Variants in PTCD3 observed in about 807,000 individuals in gnomAD.
The protein encoded by PTCD3 is pentatricopeptide repeat domain 3.
In PTCD3, 89 loss-of-function variants were observed where a neutral mutation model predicts 101.9. That is an observed-to-expected ratio of 0.87 (90% CI 0.74 to 1.04). The LOEUF is 1.04. PTCD3 is among the 50% of genes least tolerant of loss of function. The pLI, the probability that PTCD3 is intolerant of heterozygous loss-of-function variation, is 0.00. For missense variants in PTCD3, 870 were observed against 828.2 expected (o/e 1.05, Z -0.62); for synonymous variants, 296 against 278.5 (o/e 1.06, Z -0.63).
At chr2:86,134,774 A>C in intron 20 of PTCD3, 65 bp from the exon 21 acceptor site, 1 of 1,551,262 alleles carries the variant, frequency 6.4e-7, no homozygotes, top group Non-Finnish European at 8.9e-7. Context: ...ATCCTGTGTT[A>C]GTCTCCTGAA....
chr2:86,132,981 A>T, intron 17 of PTCD3, 197 bp from the exon 18 acceptor site: 1 of 710,742 alleles, frequency 1.4e-6, no homozygotes, highest in South Asian at 2.2e-5. Context: ...AGAAATGACC[A>T]GTTGAGGGTA....
At position 86,123,757 on chromosome 2, in the gene PTCD3, A is replaced by C. The variant is rs769990734; in HGVS notation, c.711A>C (p.Thr237=). 3.1e-6 allele frequency: 5 copies of C among 1,599,168 alleles called. No individual in the cohort carries two copies. The highest frequency in any genetic ancestry group is 2.3e-5 in the East Asian group (1 of 44,434). ...RRKAGHQFGV[T]WRAKNNAERI... is the part of the protein sequence containing the mutation. ...AAGCTGGTCATCAGTTTGGAGTTAC[A>C]TGGCGGTATGTCACACGTAATTAGA... The change falls in exon 9 of 24, where the codon ACA becomes ACC. Residue 237 remains threonine, a synonymous_variant. Coordinates refer to ENST00000254630, the MANE Select transcript of PTCD3 (RefSeq NM_017952.6).
In PTCD3 at chr2:86,121,541, C is replaced by G. The variant is rs2104453924; in HGVS notation, c.601C>G (p.Gln201Glu). The G allele has an allele frequency of 1.2e-6, 2 of 1,611,510 alleles. No individual in the cohort carries two copies. The highest frequency in any genetic ancestry group is 2.2e-5 in the South Asian group (2 of 90,602). ...GGATTTATTGTGTTACTATGGTGAC[C>G]AGGAGCCCTCAACTGATTACCATTT... is the stretch of plus-strand genomic sequence containing the variant. ...LLDLLCYYGD[Q>E]EPSTDYHFQQ... The change falls in exon 8 of 24, where the codon CAG becomes GAG. Residue 201 changes from glutamine (Q) to glutamate (E), a missense_variant. Coordinates refer to ENST00000254630, the MANE Select transcript of PTCD3 (RefSeq NM_017952.6).
At chr2:86,127,381 G>T in intron 13 of PTCD3, 76 bp downstream of exon 13, 1 of 1,452,944 alleles carries the variant, frequency 6.9e-7, no homozygotes, top group Non-Finnish European at 9.3e-7. Flanking sequence ...TAAGCAAAGA[G>T]CTTTAAATTA....
At chr2:86,115,899 G>A (rs1674168394) in intron 4 of PTCD3, among the ~76,000 whole-genome samples, 1 of 152,202 alleles carries the variant, frequency 6.6e-6, no homozygotes, top group South Asian at 2.1e-4. Context: ...TGGGTGGATA[G>A]TGACCTTGCT....
At chr2:86,107,615 T>C (rs1673985366) in intron 1 of PTCD3, among the ~76,000 whole-genome samples, 1 of 152,238 alleles carries the variant, frequency 6.6e-6, no homozygotes, top group Non-Finnish European at 1.5e-5. Flanking sequence ...CCAATGATTC[T>C]ATATTTTGGT....
Position 86,121,577 on chromosome 2 carries a change from G to A in PTCD3, c.637G>A (p.Gly213Arg). 1 of 1,605,232 alleles carries A rather than the reference G, an allele frequency of 6.2e-7. No homozygotes were observed. The highest frequency in any genetic ancestry group is 1.1e-5 in the South Asian group (1 of 89,464). Reference sequence around the variant, plus strand: ...AACTGATTACCATTTTCAACAAACTGGACAGTCAGAAGCATTGGTAATAAC... The same window carrying A: ...AACTGATTACCATTTTCAACAAACTAGACAGTCAGAAGCATTGGTAATAAC... ...PSTDYHFQQT[G>R]QSEALEEEND... Residue 213 changes from glycine to arginine, a missense_variant, in exon 8 of 24, where the codon GGA (glycine) becomes AGA (arginine). Physicochemically the swap from Gly to Arg is moderately radical, Grantham distance 125. Coordinates refer to ENST00000254630, the MANE Select transcript of PTCD3 (RefSeq NM_017952.6).
At chr2:86,123,106 C>T (rs899869233) in intron 8 of PTCD3, among the ~76,000 whole-genome samples, 1 of 151,784 alleles carries the variant, frequency 6.6e-6, no homozygotes, top group Non-Finnish European at 1.5e-5. Context: ...AAAAAAAATA[C>T]AAAAAATTAG....
At chr2:86,113,802 C>G (rs190342067) in intron 4 of PTCD3, among the ~76,000 whole-genome samples, 4 of 152,044 alleles carry the variant, frequency 2.6e-5, no homozygotes, top group Non-Finnish European at 5.9e-5. Flanking sequence ...CCCTGTCCCC[C>G]CCGCCACACA....
chr2:86,126,831 T>C (rs2018547), intron 12 of PTCD3, among the ~76,000 whole-genome samples: 112,736 of 149,850 alleles, frequency 0.75, 43,713 homozygotes, highest in South Asian at 0.85. Context: ...GAGCGAAACT[T>C]TGTCTCAAAA....
chr2:86,108,310 A>C, intron 1 of PTCD3, 40 bp from the exon 2 acceptor site: 1 of 1,588,670 alleles, frequency 6.3e-7, no homozygotes, highest in Non-Finnish European at 8.5e-7. Flanking sequence ...TGGGTACTTC[A>C]TTAATGACTA....
chr2:86,131,243 C>A, intron 16 of PTCD3, 137 bp downstream of exon 16: 1 of 712,284 alleles, frequency 1.4e-6, no homozygotes, highest in Non-Finnish European at 2.2e-6. Context: ...TCTCTAAAAT[C>A]TATAATTTTT....
intron 4 of PTCD3, among the ~76,000 whole-genome samples, chr2:86,114,991 G>C (rs972815203): frequency 1.3e-5 from 2 of 152,154 alleles, no homozygotes; most frequent in Non-Finnish European, 2.9e-5. Flanking sequence ...AGTTTTTAGG[G>C]GAGGCTGGCC....
intron 14 of PTCD3, among the ~76,000 whole-genome samples, chr2:86,129,840 G>A (rs1674464235): frequency 6.6e-6 from 1 of 152,186 alleles, no homozygotes; most frequent in Non-Finnish European, 1.5e-5. Flanking sequence ...AACAGGTAGG[G>A]AAAGGAGTGT....
chr2:86,111,868 C>G (rs1310799034), intron 4 of PTCD3: 1 of 152,452 alleles, frequency 6.6e-6, no homozygotes, highest in Non-Finnish European at 1.5e-5. Context: ...CCTCAGCCTC[C>G]TGAGTAGCTG....
chr2:86,123,630 T>C, intron 8 of PTCD3, 71 bp from the exon 9 acceptor site: 1 of 1,189,576 alleles, frequency 8.4e-7, no homozygotes, highest in Non-Finnish European at 1.2e-6. Flanking sequence ...CTTTCTGATT[T>C]TGAGTAGTCT....
intron 17 of PTCD3, 200 bp downstream of exon 17, chr2:86,132,624 T>G (rs1362037994): frequency 6.5e-5 from 2 of 30,672 alleles, no homozygotes; most frequent in Admixed American, 9.5e-4. Flanking sequence ...CTTTAAGGGT[T>G]TTTTTTTTTT....
chr2:86,122,159 G>A (rs1207203618), intron 8 of PTCD3, among the ~76,000 whole-genome samples: 5 of 152,188 alleles, frequency 3.3e-5, no homozygotes. Context: ...CAATCTAGAT[G>A]TCCAACAGTA....
intron 12 of PTCD3, among the ~76,000 whole-genome samples, chr2:86,126,908 ACT>A (rs1373747430): frequency 4.6e-5 from 7 of 150,652 alleles, no homozygotes; most frequent in Non-Finnish European, 8.9e-5. Context: ...TTCTTGGAAA[ACT>A]CTCCTAGGTA....
Sources: allele counts gnomAD v4.1 joint callset (sites outside exome capture counted in the v4.1 genomes callset), GRCh38; gene constraint gnomAD v4.1.1; transcripts MANE v1.5; gene names NCBI Gene and HGNC (gene_info 2026-07-23, HGNC 2026-07-21).